Variants in ASIC2 observed in about 807,000 individuals in gnomAD.
ASIC2 encodes the protein acid-sensing ion channel 2.
A neutral mutation model predicts 57.3 loss-of-function variants in ASIC2; 25 were observed. The ratio of observed to expected loss-of-function variants is 0.44; its 90% CI spans 0.32 to 0.61. The LOEUF is 0.61. ASIC2 is among the 20% of genes least tolerant of loss of function. The pLI is 0.06. For missense variants in ASIC2, 641 were observed against 738.1 expected, an observed-to-expected ratio of 0.87 and a Z score of 1.52; for synonymous variants, 319 against 307.5, an observed-to-expected ratio of 1.04 and a Z score of -0.39.
At chr17:33,100,336 T>TC (rs2092206860) in intron 2 of ASIC2, 1 of 152,600 alleles carries the variant, frequency 6.6e-6, no homozygotes, top group South Asian at 2.1e-4. Flanking sequence ...TGGCCTCTGG[T>TC]CCTCATTCCC....
intron 1 of ASIC2, among the ~76,000 whole-genome samples, chr17:33,141,884 C>G (rs936095008): frequency 3.3e-4 from 50 of 152,192 alleles, no homozygotes; most frequent in African/African-American, 1.2e-3. Context: ...AAAACACCAT[C>G]TGTAACTATA....
chr17:33,318,936 C>T (rs1234807181), intron 1 of ASIC2, among the ~76,000 whole-genome samples: 2 of 152,194 alleles, frequency 1.3e-5, no homozygotes, highest in Non-Finnish European at 2.9e-5. Context: ...AAAACTGGGG[C>T]AGCCAGAAAG....
chr17:34,039,810 A>G (rs1908036416), intron 1 of ASIC2: 34 of 1,609,598 alleles, frequency 2.1e-5, no homozygotes, highest in South Asian at 6.6e-5. Flanking sequence ...CACCTACTCC[A>G]GTAAACCTGG....
At chr17:33,296,753 G>A (rs1227427470), upstream of ASIC2, among the ~76,000 whole-genome samples, 1 of 152,082 alleles carries the variant, frequency 6.6e-6, no homozygotes, top group African/African-American at 2.4e-5. Context: ...AAGTGAACAC[G>A]GTTTTCTGTT....
intron 1 of ASIC2, among the ~76,000 whole-genome samples, chr17:34,026,116 C>T (rs1221162772): frequency 4.6e-5 from 7 of 152,142 alleles, no homozygotes; most frequent in African/African-American, 1.4e-4. Flanking sequence ...CTTGATGCTA[C>T]GGTTGTGCAA....
intron 1 of ASIC2, among the ~76,000 whole-genome samples, chr17:33,162,402 A>G (rs774539712): frequency 5.9e-5 from 9 of 152,298 alleles, no homozygotes; most frequent in Middle Eastern, 3.4e-3. Flanking sequence ...AAGGTGGCCC[A>G]TTTCTTTCAA....
At chr17:34,119,226 A>G (rs993724806) in intron 1 of ASIC2, among the ~76,000 whole-genome samples, 2 of 152,158 alleles carry the variant, frequency 1.3e-5, no homozygotes, top group South Asian at 2.1e-4. Context: ...GTCACATGAC[A>G]TCGATTCGAG....
intron 1 of ASIC2, among the ~76,000 whole-genome samples, chr17:33,466,923 CAT>C (rs1203604503): frequency 6.6e-6 from 1 of 152,180 alleles, no homozygotes; most frequent in Non-Finnish European, 1.5e-5. Flanking sequence ...CCATTCAAGA[CAT>C]AGGCATGGGC....
chr17:33,237,180 G>C (rs1233951623), intron 1 of ASIC2, among the ~76,000 whole-genome samples: 1 of 152,190 alleles, frequency 6.6e-6, no homozygotes, highest in Admixed American at 6.5e-5. Flanking sequence ...ATCAGAGCCA[G>C]AAGAAGTTAT....
At chr17:33,767,315 A>G (rs907926416) in intron 1 of ASIC2, among the ~76,000 whole-genome samples, 1 of 152,162 alleles carries the variant, frequency 6.6e-6, no homozygotes, top group Non-Finnish European at 1.5e-5. Flanking sequence ...AAATCAGACC[A>G]CTGGAAATGT....
chr17:33,482,828 T>A (rs1913450672), intron 1 of ASIC2, among the ~76,000 whole-genome samples: 1 of 152,228 alleles, frequency 6.6e-6, no homozygotes, highest in African/African-American at 2.4e-5. Flanking sequence ...CGGACACACC[T>A]GTTCAAGACA....
chr17:33,826,491 C>T (rs1206527049), intron 1 of ASIC2, among the ~76,000 whole-genome samples: 1 of 152,190 alleles, frequency 6.6e-6, no homozygotes, highest in Non-Finnish European at 1.5e-5. Flanking sequence ...GTCACCTTTC[C>T]CTTTAACAGA....
rs545705588 is a variant in ASIC2 at position 34,056,807 on chromosome 17, T to C, written c.555+99171A>G. Among the ~76,000 whole-genome samples, 9 of 152,314 alleles carry C rather than the reference T, an allele frequency of 5.9e-5. No homozygotes were observed. In the South Asian group the frequency reaches 8.3e-4, roughly 14 times the overall value. On this transcript the variant is annotated intron_variant, in intron 1 of 9. Coordinates refer to the ASIC2 transcript ENST00000359872. ...TCTGACTTTTCACCTGATCTCCAAA[T>C]TGCAAAAATCCCAAAATATGCTGAG...
intron 1 of ASIC2, among the ~76,000 whole-genome samples, chr17:34,099,473 AAAGG>A (rs1567821330): frequency 6.9e-6 from 1 of 145,548 alleles, no homozygotes; most frequent in African/African-American, 2.5e-5. Context: ...AAAGAGAGAG[AAAGG>A]AAGGAAGGAG....
chr17:34,034,478 T>A (rs1295978460), intron 1 of ASIC2, among the ~76,000 whole-genome samples: 1 of 152,202 alleles, frequency 6.6e-6, no homozygotes, highest in Non-Finnish European at 1.5e-5. Flanking sequence ...CTCTCACCAT[T>A]CCTATTCAAC....
At chr17:33,234,106 G>A (rs1908208708) in intron 1 of ASIC2, among the ~76,000 whole-genome samples, 1 of 152,206 alleles carries the variant, frequency 6.6e-6, no homozygotes, top group Non-Finnish European at 1.5e-5. Flanking sequence ...CATGTTCCTG[G>A]GGAATGCATT....
At chr17:33,160,214 AAAAAGAAAAG>A (rs750297767) in intron 1 of ASIC2, among the ~76,000 whole-genome samples, 17 of 93,464 alleles carry the variant, frequency 1.8e-4, no homozygotes, top group African/African-American at 6.6e-4. Context: ...GTTAAAAAAA[AAAAAGAAAAG>A]AAAAGAAAAG....
intron 1 of ASIC2, among the ~76,000 whole-genome samples, chr17:34,145,593 C>T (rs1912394685): frequency 6.6e-6 from 1 of 152,208 alleles, no homozygotes; most frequent in African/African-American, 2.4e-5. Flanking sequence ...CTTATCTAAA[C>T]TTTTACCCAC....
intron 1 of ASIC2, among the ~76,000 whole-genome samples, chr17:33,211,197 G>A (rs73279789): frequency 0.015 from 2,355 of 152,198 alleles, 70 homozygotes; most frequent in African/African-American, 0.054. Flanking sequence ...CGGACCAAGG[G>A]GTTTGTGGAG....
Sources: allele counts gnomAD v4.1 joint callset (sites outside exome capture counted in the v4.1 genomes callset), GRCh38; gene constraint gnomAD v4.1.1; transcripts MANE v1.5; gene names NCBI Gene and HGNC (gene_info 2026-07-23, HGNC 2026-07-21).